Variants in ELP4 observed in about 807,000 individuals in gnomAD.
The protein encoded by ELP4 is elongator complex protein 4.
Under a neutral mutation model 48.9 loss-of-function variants are expected in ELP4, and 51 were observed. That is an observed-to-expected ratio of 1.04 (90% CI 0.83 to 1.32). The LOEUF (loss-of-function observed/expected upper bound fraction) is 1.32, where lower values mean the gene tolerates loss of function less well. ELP4 is among the 40% of genes most tolerant of loss of function. The pLI is 0.00. For synonymous variants in ELP4, 210 were observed against 189.2 expected (o/e 1.11, Z -0.90); for missense variants, 519 against 514.6 (o/e 1.01, Z -0.08).
intron 3 of ELP4, among the ~76,000 whole-genome samples, chr11:31,586,955 T>G (rs752541006): frequency 2.0e-5 from 3 of 152,104 alleles, no homozygotes; most frequent in Non-Finnish European, 2.9e-5. Context: ...TTTTTAAACA[T>G]GAAGAAACTC....
chr11:31,685,203 T>G (rs1946135336), intron 9 of ELP4, among the ~76,000 whole-genome samples: 1 of 151,888 alleles, frequency 6.6e-6, no homozygotes, highest in African/African-American at 2.4e-5. Context: ...TACAAAAAAT[T>G]AGCCAGGCGT....
intron 3 of ELP4, among the ~76,000 whole-genome samples, chr11:31,571,929 T>C (rs1391679401): frequency 1.3e-5 from 2 of 152,186 alleles, no homozygotes; most frequent in Admixed American, 1.3e-4. Flanking sequence ...GCAGAGTAGA[T>C]TTAGCATAAT....
chr11:31,728,471 T>A (rs923106089), intron 9 of ELP4, among the ~76,000 whole-genome samples: 1 of 152,172 alleles, frequency 6.6e-6, no homozygotes, highest in Non-Finnish European at 1.5e-5. Context: ...ATAAATGTTT[T>A]AGGGAAGTAA....
At chr11:31,580,815 C>T (rs562521362) in intron 3 of ELP4, 3 of 152,110 alleles carry the variant, frequency 2.0e-5, no homozygotes, top group Admixed American at 6.6e-5. Flanking sequence ...GCGCCACCAC[C>T]CCTGGCTAAT....
At chr11:31,698,633 G>T (rs1006948189) in intron 9 of ELP4, among the ~76,000 whole-genome samples, 1 of 152,022 alleles carries the variant, frequency 6.6e-6, no homozygotes, top group Non-Finnish European at 1.5e-5. Context: ...GGCTGGTCTT[G>T]AACTCCTGGC....
At chr11:31,640,337 T>C (rs985704571) in intron 7 of ELP4, among the ~76,000 whole-genome samples, 1 of 151,960 alleles carries the variant, frequency 6.6e-6, no homozygotes, top group African/African-American at 2.4e-5. Flanking sequence ...TTTTGAATTA[T>C]TCCTATTTAT....
At position 31,520,107 on chromosome 11, in the gene ELP4, A is replaced by G. The variant is rs1370275265; in HGVS notation, c.259+16A>G. 2.5e-6 allele frequency: 4 copies of G among 1,605,230 alleles called. No homozygotes were observed. The highest frequency in any genetic ancestry group is 2.2e-5 in the East Asian group (1 of 44,498). ...CTTCTAATTGGTTAGTACAAAATAC[A>G]TGCTTTGCTCTCCTCTATCATTGTT... is the stretch of plus-strand genomic sequence containing the variant. On this transcript the variant is annotated intron_variant, in intron 2 of 9. Coordinates refer to ENST00000640961, the MANE Select transcript of ELP4 (RefSeq NM_019040.5).
At chr11:31,550,564 A>G (rs1449416522) in intron 3 of ELP4, among the ~76,000 whole-genome samples, 1 of 152,168 alleles carries the variant, frequency 6.6e-6, no homozygotes, top group African/African-American at 2.4e-5. Context: ...CTTTAACTGA[A>G]GAAAAATAGT....
At chr11:31,681,543 G>A (rs1946050733) in intron 9 of ELP4, among the ~76,000 whole-genome samples, 1 of 152,024 alleles carries the variant, frequency 6.6e-6, no homozygotes, top group African/African-American at 2.4e-5. Flanking sequence ...TAATAAAGAG[G>A]GATAAAATGC....
rs567184677 is a variant in ELP4, at chr11:31,672,567, G to C, written c.1143+22346G>C. On this transcript the variant is annotated intron_variant, in intron 9 of 9. Coordinates refer to ENST00000640961, the MANE Select transcript of ELP4 (RefSeq NM_019040.5). ...CACTTTGGGAGGCTAAGGCGTGGGC[G>C]GATGACTTGAGCCCAGGAATTTGAG... is the stretch of plus-strand genomic sequence containing the variant. 1.3e-5 allele frequency among the ~76,000 whole-genome samples: 2 copies of C among 152,150 alleles called. 1 individual carries two copies. The highest frequency in any genetic ancestry group is 3.9e-4 in the East Asian group (2 of 5,190).
chr11:31,595,776 A>T (rs903235806), intron 4 of ELP4, among the ~76,000 whole-genome samples: 6 of 152,200 alleles, frequency 3.9e-5, no homozygotes, highest in African/African-American at 1.4e-4. Context: ...CGCTACCACT[A>T]ATGAAAGTTA....
chr11:31,772,038 C>T (rs574585003), intron 9 of ELP4, among the ~76,000 whole-genome samples: 1 of 152,022 alleles, frequency 6.6e-6, no homozygotes, highest in South Asian at 2.1e-4. Context: ...CCTTCGCCTA[C>T]TGAAGTCATA....
chr11:31,519,026 G>A (rs1180779591), intron 1 of ELP4, among the ~76,000 whole-genome samples: 2 of 151,930 alleles, frequency 1.3e-5, no homozygotes, highest in African/African-American at 4.8e-5. Context: ...TGTTGTCCAG[G>A]CTGGTTTTGA....
intron 3 of ELP4, among the ~76,000 whole-genome samples, chr11:31,540,689 A>G (rs1956577428): frequency 6.6e-6 from 1 of 152,168 alleles, no homozygotes; most frequent in Non-Finnish European, 1.5e-5. Context: ...TACATATAAA[A>G]ATTATTATAT....
chr11:31,726,399 C>A (rs1169746299), intron 9 of ELP4, among the ~76,000 whole-genome samples: 2 of 151,946 alleles, frequency 1.3e-5, no homozygotes, highest in Admixed American at 6.6e-5. Flanking sequence ...AATAAAGGGG[C>A]AAGGATACAG....
intron 3 of ELP4, among the ~76,000 whole-genome samples, chr11:31,543,261 A>C (rs1052854829): frequency 1.3e-5 from 2 of 152,220 alleles, no homozygotes; most frequent in Non-Finnish European, 2.9e-5. Context: ...ATAATGAAAA[A>C]TATGCCACGA....
intron 3 of ELP4, among the ~76,000 whole-genome samples, chr11:31,589,901 ATTAT>A (rs951277777): frequency 3.3e-5 from 5 of 152,278 alleles, no homozygotes; most frequent in East Asian, 1.9e-4. Flanking sequence ...CATGTGACCT[ATTAT>A]TTATTTGTTT....
intron 9 of ELP4, 28 bp from the exon 10 acceptor site, chr11:31,783,365 T>C (rs899127734): frequency 1.6e-5 from 25 of 1,589,338 alleles, no homozygotes; most frequent in Non-Finnish European, 2.1e-5. Context: ...TTCTTCTTTT[T>C]TTCTTCTCCT....
chr11:31,581,210 T>C (rs1957386447), intron 3 of ELP4, among the ~76,000 whole-genome samples: 1 of 152,168 alleles, frequency 6.6e-6, no homozygotes, highest in Non-Finnish European at 1.5e-5. Flanking sequence ...ACACAGCTGT[T>C]ATTCTGGCAC....
Sources: gnomAD v4.1 joint callset for allele counts (sites outside exome capture counted in the v4.1 genomes callset) on GRCh38, gnomAD v4.1.1 for gene constraint, MANE v1.5 for transcripts, NCBI Gene and HGNC (gene_info 2026-07-23, HGNC 2026-07-21) for gene names.